The following UBXN2B variants were observed in gnomAD, a reference collection of about 807,000 sequenced individuals.
UBXN2B encodes the protein UBX domain-containing protein 2B.
UBXN2B carries 19 observed loss-of-function variants against 37.5 expected under a neutral mutation model. The ratio of observed to expected loss-of-function variants is 0.51; its 90% CI spans 0.35 to 0.74. The LOEUF (loss-of-function observed/expected upper bound fraction) is 0.74, where lower values mean the gene tolerates loss of function less well. UBXN2B is among the 30% of genes least tolerant of loss of function. The probability of loss-of-function intolerance (pLI) is 0.01; values close to 1 mark genes in which losing one functional copy is unlikely to be tolerated. For missense variants in UBXN2B, 370 were observed against 393.2 expected (o/e 0.94, Z 0.50); for synonymous variants, 145 against 143.8 (o/e 1.01, Z -0.06).
chr8:58,445,712 T>TGCAAAGTTAG (rs1475072901), intron 6 of UBXN2B, among the ~76,000 whole-genome samples, 195 bp from the exon 7 acceptor site: 3 of 152,178 alleles, frequency 2.0e-5, no homozygotes, highest in African/African-American at 7.2e-5. Context: ...GAGGAAAGGA[T>TGCAAAGTTAG]GCAAAGTTAG....
Position 58,449,821 on chromosome 8 carries a change from GTTC to G in UBXN2B, c.*2276_*2278del, listed in dbSNP as rs902770703. 9.2e-5 allele frequency: 14 copies of G among 152,256 alleles called. 1 individual carries two copies. The highest frequency in any genetic ancestry group is 2.6e-4 in the Admixed American group (4 of 15,282). 9.4% of individuals were successfully genotyped at this position (152,256 alleles called of 1,614,324 possible). A position where few individuals can be genotyped will look rare whatever the true frequency, so the allele number is the denominator to read the frequency against. On this transcript the variant is annotated 3_prime_UTR_variant, in exon 8 of 8. Transcript: ENST00000399598. ...CAGCTGAGTATCAACTTATCAGTTTGTTCTTCTTTTATATTCTCTAAAGCTTTC... is the reference window on the plus strand; with the variant it reads ...CAGCTGAGTATCAACTTATCAGTTTGTTCTTTTATATTCTCTAAAGCTTTC...
rs1245454996 is a variant in UBXN2B at position 58,424,693 on chromosome 8, G to C, written c.189-5826G>C. The C allele has an allele frequency of 1.3e-5, 17 of 1,330,878 alleles. No individual in the cohort carries two copies. In the East Asian group the frequency reaches 1.4e-4, roughly 11 times the overall value. The allele number at this position is 1,330,878 out of a possible 1,614,324, so 82.4% of individuals were successfully genotyped here. A position where few individuals can be genotyped will look rare whatever the true frequency, so the allele number is the denominator to read the frequency against. Reference sequence around the variant, plus strand: ...GTGGAGTTGGAGTACAAGGCGGGGGGGGGGGCTCTGATCTCCACTCGTCTG... The same window carrying C: ...GTGGAGTTGGAGTACAAGGCGGGGGCGGGGGCTCTGATCTCCACTCGTCTG... On this transcript the variant is annotated intron_variant, in intron 2 of 7. Transcript: ENST00000399598.
At position 58,425,582 on chromosome 8, in the gene UBXN2B, C is replaced by T. The variant is rs187288275; in HGVS notation, c.189-4937C>T. The T allele has an allele frequency of 4.0e-4, 420 of 1,061,104 alleles. 2 individuals carry two copies. The African/African-American group carries it at 6.0e-3, about 15-fold the overall frequency. The allele number at this position is 1,061,104 out of a possible 1,614,324, so 65.7% of individuals were successfully genotyped here. A position where few individuals can be genotyped will look rare whatever the true frequency, so the allele number is the denominator to read the frequency against. ...TCTTGCCTTTTACCCTCTTTTCGGC[C>T]GTAGAGAAGTATGCACTCCTGTTGT... is the stretch of plus-strand genomic sequence containing the variant. On this transcript the variant is annotated intron_variant, in intron 2 of 7. Transcript: ENST00000399598.
chr8:58,434,877 A>G (rs371859258), intron 5 of UBXN2B: 2 of 1,535,646 alleles, frequency 1.3e-6, no homozygotes, highest in Middle Eastern at 1.7e-4. Context: ...CATTGCATGT[A>G]TGCCTGAAAT....
intron 2 of UBXN2B, among the ~76,000 whole-genome samples, chr8:58,429,691 A>G (rs771709428): frequency 6.6e-6 from 1 of 152,124 alleles, no homozygotes; most frequent in Non-Finnish European, 1.5e-5. Flanking sequence ...GGCAGATATC[A>G]TTTCCCCCCA....
chr8:58,440,722 C>G (rs1309770854), intron 6 of UBXN2B, among the ~76,000 whole-genome samples: 2 of 152,200 alleles, frequency 1.3e-5, no homozygotes, highest in Non-Finnish European at 1.5e-5. Context: ...TCCAAGCCCC[C>G]TTCAGTTGCC....
intron 1 of UBXN2B, among the ~76,000 whole-genome samples, chr8:58,411,975 C>T (rs1162381873): frequency 6.6e-6 from 1 of 152,144 alleles, no homozygotes; most frequent in Non-Finnish European, 1.5e-5. Context: ...ACTCTATGCC[C>T]ATACAGCCTA....
At chr8:58,423,792 T>C (rs1311167603) in intron 2 of UBXN2B, among the ~76,000 whole-genome samples, 2 of 151,868 alleles carry the variant, frequency 1.3e-5, no homozygotes, top group South Asian at 2.1e-4. Context: ...GTCAGCAACA[T>C]TTGACAACCA....
chr8:58,411,596 A>C (rs938416178), intron 1 of UBXN2B, 127 bp downstream of exon 1: 3 of 770,916 alleles, frequency 3.9e-6, no homozygotes, highest in Non-Finnish European at 5.3e-6. Context: ...TGGGGATAGA[A>C]TCCGGCGCCC....
chr8:58,441,661 A>G (rs971887322), intron 6 of UBXN2B, among the ~76,000 whole-genome samples: 1 of 152,116 alleles, frequency 6.6e-6, no homozygotes, highest in African/African-American at 2.4e-5. Flanking sequence ...GCCAGTGATT[A>G]TTAAACTCAT....
rs61732907 is a variant in UBXN2B at position 58,411,395 on chromosome 8, G to A, written c.10G>A (p.Gly4Ser). ...CGCTAGCCAGCGGAAGATGGCGGAG[G>A]GCGGAGGCCCTGAGCCCGGCGAGCA... MAE[G>S]GGPEPGEQER... The change falls in exon 1 of 8, where the codon GGC (glycine) becomes AGC (serine). Residue 4 changes from glycine (G) to serine (S), a missense_variant. This residue lies in a region of UBXN2B where 197 missense variants were observed against 170.2 expected (regional missense o/e 1.16). Coordinates refer to ENST00000399598, the MANE Select transcript of UBXN2B (RefSeq NM_001077619.2). 47 of 1,269,860 alleles carry A rather than the reference G, an allele frequency of 3.7e-5. No individual in the cohort carries two copies. The South Asian group carries it at 8.1e-4, about 22-fold the overall frequency. The allele number at this position is 1,269,860 out of a possible 1,614,324, so 78.7% of individuals were successfully genotyped here. A position where few individuals can be genotyped will look rare whatever the true frequency, so the allele number is the denominator to read the frequency against.
At chr8:58,424,505 A>G in intron 2 of UBXN2B, 1 of 704,844 alleles carries the variant, frequency 1.4e-6, no homozygotes, top group Non-Finnish European at 2.4e-6. Context: ...GTCTTCACAT[A>G]AACTTTCTTG....
intron 5 of UBXN2B, among the ~76,000 whole-genome samples, chr8:58,435,719 A>G (rs1352410439): frequency 1.3e-5 from 2 of 152,250 alleles, no homozygotes; most frequent in African/African-American, 2.4e-5. Context: ...CAAACTTTGT[A>G]GGCTAATGTT....
At chr8:58,422,207 C>T (rs1807946651) in intron 2 of UBXN2B, among the ~76,000 whole-genome samples, 1 of 152,152 alleles carries the variant, frequency 6.6e-6, no homozygotes, top group Non-Finnish European at 1.5e-5. Flanking sequence ...TAGGCCACAC[C>T]CGTGTTCTGA....
chr8:58,417,014 C>A, intron 2 of UBXN2B, 61 bp downstream of exon 2: 1 of 1,358,830 alleles, frequency 7.4e-7, no homozygotes, highest in Non-Finnish European at 9.9e-7. Flanking sequence ...AATTTACTAA[C>A]TTCAAATTAT....
At chr8:58,426,825 C>T (rs544731790) in intron 2 of UBXN2B, 18 of 579,460 alleles carry the variant, frequency 3.1e-5, no homozygotes, top group African/African-American at 1.5e-4. Flanking sequence ...ACAGACCCCC[C>T]TCCAGGCCTG....
chr8:58,430,736 A>G, intron 3 of UBXN2B, 67 bp downstream of exon 3: 1 of 1,190,296 alleles, frequency 8.4e-7, no homozygotes, highest in Non-Finnish European at 1.1e-6. Flanking sequence ...TTTTTCTATT[A>G]TTTGCAAACA....
chr8:58,439,569 TC>T, intron 5 of UBXN2B, 63 bp from the exon 6 acceptor site: 2 of 1,534,224 alleles, frequency 1.3e-6, no homozygotes, highest in South Asian at 2.6e-5. Flanking sequence ...ATTACAGTAA[TC>T]TCAACAGTGT....
intron 7 of UBXN2B, among the ~76,000 whole-genome samples, chr8:58,446,778 C>CTTTTTTTTTTTTTTTTTTTT: frequency 6.7e-5 from 1 of 14,974 alleles, no homozygotes; most frequent in Non-Finnish European, 1.4e-4. Context: ...GTACAACCTG[C>CTTTTTTTTTTTTTTTTTTTT]ATTTTTTTTT....
Sources: gnomAD v4.1 joint callset for allele counts (sites outside exome capture counted in the v4.1 genomes callset) on GRCh38, gnomAD v4.1.1 for gene constraint, gnomAD v4.1.1 regional missense constraint, MANE v1.5 for transcripts, NCBI Gene and HGNC (gene_info 2026-07-23, HGNC 2026-07-21) for gene names.